Variants in C4orf50 observed in about 807,000 individuals in gnomAD.
The protein encoded by C4orf50 is uncharacterized protein C4orf50.
C4orf50 carries 80 observed loss-of-function variants against 77.2 expected under a neutral mutation model. That is an observed-to-expected ratio of 1.04 (90% confidence interval 0.87 to 1.25). C4orf50 has a LOEUF of 1.25. Ranked by LOEUF, C4orf50 falls within the 50% of genes most tolerant of loss-of-function variation. The probability of loss-of-function intolerance (pLI) is 0.00; values close to 1 mark genes in which losing one functional copy is unlikely to be tolerated. For synonymous variants in C4orf50, 532 were observed against 465.3 expected, an observed-to-expected ratio of 1.14 and a Z score of -1.84; for missense variants, 1,257 against 1,152.9, an observed-to-expected ratio of 1.09 and a Z score of -1.31.
chr4:6,003,329 T>C (rs1721921233), intron 25 of C4orf50, among the ~76,000 whole-genome samples: 1 of 151,892 alleles, frequency 6.6e-6, no homozygotes, highest in Non-Finnish European at 1.5e-5. Flanking sequence ...AAATAAAAAG[T>C]CAAGAGAGAG....
intron 7 of C4orf50, among the ~76,000 whole-genome samples, chr4:5,951,108 T>C (rs1718693513): frequency 6.6e-6 from 1 of 152,242 alleles, no homozygotes; most frequent in Non-Finnish European, 1.5e-5. Flanking sequence ...GGCTATCTTC[T>C]GGACCAGAAC....
chr4:5,923,082 G>A (rs1717354084), intron 7 of C4orf50, among the ~76,000 whole-genome samples: 1 of 152,222 alleles, frequency 6.6e-6, no homozygotes. Context: ...CTTTCCTGGA[G>A]TAGACGCGAT....
At chr4:5,965,335 A>G (rs567525522) in intron 32 of C4orf50, among the ~76,000 whole-genome samples, 190 bp from the exon 11 acceptor site, 2 of 152,256 alleles carry the variant, frequency 1.3e-5, no homozygotes, top group East Asian at 3.9e-4. Context: ...TACGCCTCTG[A>G]TGGTGCTGTC....
intron 29 of C4orf50, 28 bp from the exon 8 acceptor site, chr4:5,975,983 C>T (rs763839720): frequency 1.9e-6 from 3 of 1,595,910 alleles, no homozygotes; most frequent in Non-Finnish European, 2.6e-6. Flanking sequence ...TTTTTGACAA[C>T]ACTGCACTGT....
At chr4:5,954,355 G>T (rs114431945), downstream of C4orf50, among the ~76,000 whole-genome samples, 8 of 152,196 alleles carry the variant, frequency 5.3e-5, no homozygotes, top group South Asian at 1.5e-3. This position sits in a 1 kb window ranked among gnomAD's most constrained non-coding sequence, Gnocchi z 4.7. Context: ...CAGCTCCCCC[G>T]ACCCCTGCCC....
chr4:5,955,645 C>A (rs1260228707), downstream of C4orf50, among the ~76,000 whole-genome samples: 2 of 152,170 alleles, frequency 1.3e-5, no homozygotes, highest in Non-Finnish European at 1.5e-5. The surrounding 1 kb of genome is among the most constrained non-coding windows in gnomAD (Gnocchi z 5.1). Context: ...CAGCGCCTCA[C>A]CAGCCTCCAA....
rs1721165053 is a variant in C4orf50 at position 5,990,003 on chromosome 4, TGG to T, written c.2041_2042del (p.Pro681MetfsTer20). On this transcript the variant is annotated frameshift_variant, in exon 28 of 34. Transcript: ENST00000531445. LOFTEE classifies it high-confidence loss of function. The stretch of plus-strand genomic sequence containing the variant: ...CGAGGAGCTGACTGTCTGTTGGCCA[TGG>T]CTCTTTGGTCTCATGAGCCCTGGAG... 6.4e-6 allele frequency: 9 copies of T among 1,401,538 alleles called. No homozygotes were observed. The highest frequency in any genetic ancestry group is 8.3e-6 in the Non-Finnish European group (9 of 1,082,886). The allele number at this position is 1,401,538 out of a possible 1,614,324, so 86.8% of individuals were successfully genotyped here.
At chr4:6,006,390 A>T (rs193045785) in intron 25 of C4orf50, among the ~76,000 whole-genome samples, 3 of 152,332 alleles carry the variant, frequency 2.0e-5, no homozygotes, top group African/African-American at 7.2e-5. Flanking sequence ...TAGTGCTTCC[A>T]TTGCAGAAGG....
At chr4:5,907,443 G>A (rs1174793267) in intron 7 of C4orf50, among the ~76,000 whole-genome samples, 1 of 152,134 alleles carries the variant, frequency 6.6e-6, no homozygotes, top group African/African-American at 2.4e-5. Context: ...TGGTGGTGGT[G>A]GGGAGGGTCA....
At chr4:5,910,152 C>T (rs1186758660) in intron 7 of C4orf50, among the ~76,000 whole-genome samples, 2 of 152,092 alleles carry the variant, frequency 1.3e-5, no homozygotes, top group Admixed American at 6.5e-5. Flanking sequence ...ATCTGTCAGA[C>T]TTCAGGATCC....
intron 7 of C4orf50, among the ~76,000 whole-genome samples, chr4:5,911,753 A>G (rs1430582697): frequency 6.6e-6 from 1 of 152,196 alleles, no homozygotes; most frequent in Admixed American, 6.5e-5. Flanking sequence ...AAACAAAAAC[A>G]AAACAAACAA....
At chr4:5,944,431 T>C (rs1383565619) in intron 7 of C4orf50, among the ~76,000 whole-genome samples, 1 of 152,140 alleles carries the variant, frequency 6.6e-6, no homozygotes. Context: ...TTGGAGACAC[T>C]AGGTGAAACT....
chr4:5,980,936 C>A (rs1188032363), intron 28 of C4orf50, among the ~76,000 whole-genome samples: 1 of 152,026 alleles, frequency 6.6e-6, no homozygotes, highest in Non-Finnish European at 1.5e-5. Context: ...CATTCAGATG[C>A]CAAAGGGAAT....
chr4:5,974,021 G>A (rs1014880760), intron 30 of C4orf50, among the ~76,000 whole-genome samples, 180 bp from the exon 9 acceptor site: 6 of 152,276 alleles, frequency 3.9e-5, no homozygotes, highest in Admixed American at 1.3e-4. Context: ...GGCTGCTTTC[G>A]GAGCAGACGG....
At chr4:5,917,500 G>C (rs1717082891) in intron 7 of C4orf50, among the ~76,000 whole-genome samples, 1 of 133,060 alleles carries the variant, frequency 7.5e-6, no homozygotes, top group Non-Finnish European at 1.5e-5. Context: ...TGAAACCTTT[G>C]CCTTCCGGGT....
chr4:5,933,620 T>C (rs945104393), intron 7 of C4orf50, among the ~76,000 whole-genome samples: 3 of 152,212 alleles, frequency 2.0e-5, no homozygotes, highest in Non-Finnish European at 4.4e-5. Flanking sequence ...GACCCTCTAA[T>C]GTCTGCTACT....
downstream of C4orf50, chr4:5,956,617 C>A (rs1718970813): frequency 6.8e-6 from 1 of 148,146 alleles, no homozygotes; most frequent in Admixed American, 6.6e-5. Context: ...TGCTGCTTGG[C>A]CTCAGGCCAA....
chr4:5,906,565 A>T (rs1434488946), intron 7 of C4orf50, among the ~76,000 whole-genome samples: 3 of 152,118 alleles, frequency 2.0e-5, no homozygotes, highest in Non-Finnish European at 4.4e-5. Context: ...ACCCTAGGAA[A>T]ATCAAAACTC....
intron 7 of C4orf50, among the ~76,000 whole-genome samples, chr4:5,927,966 T>C (rs996216090): frequency 6.6e-6 from 1 of 152,186 alleles, no homozygotes; most frequent in Non-Finnish European, 1.5e-5. Context: ...CACTGATGTG[T>C]CCTGAGTTGA....
Sources: gnomAD v4.1 joint callset for allele counts (sites outside exome capture counted in the v4.1 genomes callset) on GRCh38, gnomAD v4.1.1 for gene constraint, Gnocchi (gnomAD v3.1) non-coding constraint, MANE v1.5 for transcripts, NCBI Gene and HGNC (gene_info 2026-07-23, HGNC 2026-07-21) for gene names.